Variants in FBXO40 observed in about 807,000 individuals in gnomAD.
The protein encoded by FBXO40 is F-box protein 40.
In FBXO40, 50 loss-of-function variants were observed where a neutral mutation model predicts 49.9. The ratio of observed to expected loss-of-function variants is 1.00; its 90% CI spans 0.80 to 1.27. FBXO40 has a LOEUF of 1.27. Among genes scored for constraint, FBXO40 ranks in the 50% most tolerant of loss-of-function variants. The pLI is 0.00. For synonymous variants in FBXO40, 340 were observed against 320.2 expected (o/e 1.06, Z -0.66); for missense variants, 895 against 870.1 (o/e 1.03, Z -0.36).
Position 121,622,637 on chromosome 3 carries a change from C to T in FBXO40, c.1208C>T (p.Ala403Val). ...CTCATCAAGACCACCCTCCAGTGTGCTTTGGAAAGAGAACTCAAAGGCCAC... is the reference window on the plus strand; with the variant it reads ...CTCATCAAGACCACCCTCCAGTGTGTTTTGGAAAGAGAACTCAAAGGCCAC... ...SDLIKTTLQC[A>V]LERELKGHVI... is the part of the protein sequence containing the mutation. Residue 403 changes from alanine (A) to valine (V), a missense_variant, in exon 3 of 4, where the codon GCT (alanine) becomes GTT (valine). By Grantham distance (64) the Ala-to-Val change is moderately conservative. Coordinates refer to ENST00000338040, the MANE Select transcript of FBXO40 (RefSeq NM_016298.4). 1 of 1,614,162 alleles carries T rather than the reference C, an allele frequency of 6.2e-7. No individual in the cohort carries two copies. The highest frequency in any genetic ancestry group is 8.5e-7 in the Non-Finnish European group (1 of 1,180,032).
intron 1 of FBXO40, among the ~76,000 whole-genome samples, chr3:121,598,940 C>T (rs1157900631): frequency 6.6e-6 from 1 of 152,214 alleles, no homozygotes. Context: ...CTCAGGCTCA[C>T]ACACCTGGTC....
chr3:121,604,508 C>T (rs1372956020), intron 1 of FBXO40, among the ~76,000 whole-genome samples: 1 of 152,020 alleles, frequency 6.6e-6, no homozygotes, highest in African/African-American at 2.4e-5. Context: ...GAACTTTTTC[C>T]ACCATGATGG....
intron 3 of FBXO40, among the ~76,000 whole-genome samples, chr3:121,625,493 A>T (rs2049057256): frequency 6.6e-6 from 1 of 152,256 alleles, no homozygotes. Context: ...TCTCTTGTAT[A>T]TGTGCCTGCA....
rs958953466 is a variant in FBXO40 at position 121,624,406 on chromosome 3, G to T, written c.1914+1063G>T. 3.3e-5 allele frequency among the ~76,000 whole-genome samples: 5 copies of T among 152,242 alleles called. No homozygotes were observed. The East Asian group carries it at 9.7e-4, about 29-fold the overall frequency. ...AGACAGACCTATAAATACATAAATA[G>T]CAATCCGGAGGGTAGTGCCTGTTCA... On this transcript the variant is annotated intron_variant, in intron 3 of 3. Transcript: ENST00000338040.
intron 1 of FBXO40, among the ~76,000 whole-genome samples, chr3:121,603,467 A>C (rs1342964809): frequency 6.6e-6 from 1 of 152,210 alleles, no homozygotes; most frequent in African/African-American, 2.4e-5. Flanking sequence ...CAATCCTTTA[A>C]CCTCAGCTTG....
rs148950893 is a variant in FBXO40 at position 121,609,653 on chromosome 3, G to A, written c.-30-10893G>A. Among the ~76,000 whole-genome samples the A allele has an allele frequency of 4.2e-3, 636 of 152,168 alleles. 4 individuals carry two copies. The highest frequency in any genetic ancestry group is 0.014 in the African/African-American group (601 of 41,508). ...GGGGAGAGGAACAAAAGTAACACTC[G>A]TTTGTTTTATGCTCTCTGAAGGTAA... On this transcript the variant is annotated intron_variant, in intron 1 of 3. Transcript: ENST00000338040.
chr3:121,613,646 C>G (rs1360720518), intron 1 of FBXO40, among the ~76,000 whole-genome samples: 1 of 152,130 alleles, frequency 6.6e-6, no homozygotes, highest in Non-Finnish European at 1.5e-5. Context: ...TCTTAAAGGG[C>G]GTTTCTAATC....
intron 1 of FBXO40, among the ~76,000 whole-genome samples, chr3:121,615,851 C>T (rs1044916787): frequency 1.3e-5 from 2 of 152,168 alleles, no homozygotes; most frequent in Admixed American, 6.5e-5. Flanking sequence ...TGGCTATCTT[C>T]AGACCATAAG....
chr3:121,599,884 G>C (rs2048893407), intron 1 of FBXO40, among the ~76,000 whole-genome samples: 1 of 151,242 alleles, frequency 6.6e-6, no homozygotes, highest in East Asian at 2.0e-4. Context: ...TATCATGCCT[G>C]GATAATTTTT....
chr3:121,614,553 C>T (rs551510653), intron 1 of FBXO40, among the ~76,000 whole-genome samples: 9 of 152,262 alleles, frequency 5.9e-5, no homozygotes, highest in African/African-American at 2.2e-4. Flanking sequence ...AGAAGCAGGA[C>T]GCTCAGGCCA....
chr3:121,626,837 A>T lies in FBXO40; in HGVS notation c.2057A>T (p.Gln686Leu). 1 of 1,614,184 alleles carries T rather than the reference A, an allele frequency of 6.2e-7. No homozygotes were observed. The change falls in exon 4 of 4, where the codon CAG becomes CTG. Residue 686 changes from glutamine (Q) to leucine (L), a missense_variant. Gln to Leu is a moderately radical substitution (Grantham distance 113, BLOSUM62 -2). Coordinates refer to ENST00000338040, the MANE Select transcript of FBXO40 (RefSeq NM_016298.4). Reference protein sequence around the residue: ...TDPILLTSMCQPREQARESLV... With the variant: ...TDPILLTSMCLPREQARESLV... ...CCGATTCTTTTGACTAGCATGTGTC[A>T]GCCCCGTGAGCAGGCCCGAGAGAGC... is the stretch of plus-strand genomic sequence containing the variant.
At chr3:121,605,979 T>G (rs1218191597) in intron 1 of FBXO40, among the ~76,000 whole-genome samples, 4 of 151,874 alleles carry the variant, frequency 2.6e-5, no homozygotes, top group Non-Finnish European at 5.9e-5. Context: ...CCAGCAATAG[T>G]GAAAGGAAGG....
intron 1 of FBXO40, among the ~76,000 whole-genome samples, chr3:121,612,935 T>C (rs2048975050): frequency 6.6e-6 from 1 of 151,792 alleles, no homozygotes; most frequent in African/African-American, 2.4e-5. Context: ...CCAGGCATGG[T>C]GGCGGGTGCC....
rs147555575 is a variant in FBXO40, at chr3:121,626,887, C to T, written c.2107C>T (p.Pro703Ser). Residue 703 changes from proline to serine, a missense_variant, in exon 4 of 4, where the codon CCA becomes TCA. Physicochemically the swap from Pro to Ser is moderately conservative, Grantham distance 74. Coordinates refer to ENST00000338040, the MANE Select transcript of FBXO40 (RefSeq NM_016298.4). ...ESLVSTFRIRPRGRYVS is the reference protein window; with the variant it reads ...ESLVSTFRIRSRGRYVS ...CTTAGTCTCCACCTTTAGAATCAGACCACGAGGAAGATACGTCTCCTAAAA... is the reference window on the plus strand; with the variant it reads ...CTTAGTCTCCACCTTTAGAATCAGATCACGAGGAAGATACGTCTCCTAAAA... 4 of 1,614,112 alleles carry T rather than the reference C, an allele frequency of 2.5e-6. No individual in the cohort carries two copies. The highest frequency in any genetic ancestry group is 3.4e-6 in the Non-Finnish European group (4 of 1,180,016).
At chr3:121,600,901 G>GTTTTGT (rs1405988042) in intron 1 of FBXO40, among the ~76,000 whole-genome samples, 47 of 152,306 alleles carry the variant, frequency 3.1e-4, no homozygotes, top group Non-Finnish European at 5.0e-4. Flanking sequence ...ACCCCATGGG[G>GTTTTGT]GATAAGGATC....
At chr3:121,603,357 C>T (rs2048910736) in intron 1 of FBXO40, among the ~76,000 whole-genome samples, 1 of 152,218 alleles carries the variant, frequency 6.6e-6, no homozygotes, top group South Asian at 2.1e-4. Context: ...AGTGTCTGTA[C>T]TTATAAGAAA....
intron 1 of FBXO40, among the ~76,000 whole-genome samples, chr3:121,604,954 A>G (rs2048924104): frequency 6.7e-6 from 1 of 149,428 alleles, no homozygotes; most frequent in Admixed American, 6.7e-5. Flanking sequence ...TTATTTATTT[A>G]TTTATTTATT....
chr3:121,596,390 T>G (rs909752648), intron 1 of FBXO40, among the ~76,000 whole-genome samples: 3 of 152,220 alleles, frequency 2.0e-5, no homozygotes, highest in Non-Finnish European at 4.4e-5. Context: ...CAGTTTCTCC[T>G]CTAGGAAACA....
chr3:121,617,687 A>C (rs773125722), intron 1 of FBXO40, among the ~76,000 whole-genome samples: 1 of 151,872 alleles, frequency 6.6e-6, no homozygotes, highest in Non-Finnish European at 1.5e-5. Flanking sequence ...ATGAACAATA[A>C]TTTATTGTAT....
Sources: allele counts gnomAD v4.1 joint callset (sites outside exome capture counted in the v4.1 genomes callset), GRCh38; gene constraint gnomAD v4.1.1; transcripts MANE v1.5; gene names NCBI Gene and HGNC (gene_info 2026-07-23, HGNC 2026-07-21).